ZNF420: variants seen among roughly 807,000 people sequenced by gnomAD.
ZNF420 encodes ATM and p53-associated KZNF protein.
A neutral mutation model predicts 44.7 loss-of-function variants in ZNF420; 31 were observed. That is an observed-to-expected ratio of 0.69 (90% confidence interval 0.52 to 0.94). ZNF420 has a LOEUF of 0.94. ZNF420 is among the 40% of genes least tolerant of loss of function. The pLI, the probability that ZNF420 is intolerant of heterozygous loss-of-function variation, is 0.00. For missense variants in ZNF420, 681 were observed against 827.9 expected, an observed-to-expected ratio of 0.82 and a Z score of 2.18; for synonymous variants, 245 against 267.4, an observed-to-expected ratio of 0.92 and a Z score of 0.82.
At chr19:37,013,722 T>C (rs1257783053) in intron 1 of ZNF420, among the ~76,000 whole-genome samples, 1 of 152,130 alleles carries the variant, frequency 6.6e-6, no homozygotes, top group Non-Finnish European at 1.5e-5. Flanking sequence ...AGCTTAAAGT[T>C]CATTGACTCA....
chr19:37,113,242 T>A (rs776284000), intron 4 of ZNF420, among the ~76,000 whole-genome samples: 3 of 152,086 alleles, frequency 2.0e-5, no homozygotes, highest in Non-Finnish European at 2.9e-5. Context: ...TCTGTTCTTG[T>A]AGTAGTTTGA....
At position 37,106,150 on chromosome 19, in the gene ZNF420, G is replaced by A. The variant is rs1970069821; in HGVS notation, c.136+15029G>A. Among the ~76,000 whole-genome samples the A allele has an allele frequency of 2.0e-5, 3 of 152,098 alleles. No individual in the cohort carries two copies. In the South Asian group the frequency reaches 6.2e-4, roughly 31 times the overall value. On this transcript the variant is annotated intron_variant, in intron 4 of 4. Coordinates refer to ENST00000337995, the MANE Select transcript of ZNF420 (RefSeq NM_144689.5). ...CCATTCAGTATGATATTGGCTGTGG[G>A]TTTGTCATAAATAGCTCTTATTATT...
chr19:37,092,968 C>A (rs1425763805), intron 4 of ZNF420: 1 of 152,140 alleles, frequency 6.6e-6, no homozygotes, highest in East Asian at 1.9e-4. Context: ...CATGCTTTAA[C>A]ATGGATGAAC....
At chr19:37,095,426 C>T (rs989669838) in intron 4 of ZNF420, among the ~76,000 whole-genome samples, 1 of 151,922 alleles carries the variant, frequency 6.6e-6, no homozygotes, top group Non-Finnish European at 1.5e-5. Flanking sequence ...TTTTTTTAAC[C>T]TACAAAATGG....
intron 4 of ZNF420, among the ~76,000 whole-genome samples, chr19:37,121,468 A>C (rs1971030336): frequency 1.3e-5 from 2 of 151,134 alleles, no homozygotes. Context: ...TTATACAAAA[A>C]TTAATTCAAG....
Position 37,127,863 on chromosome 19 carries a change from T to TGG in ZNF420, c.872_873insGG (p.Ser292AlafsTer60). The TGG allele has an allele frequency of 6.2e-7, 1 of 1,613,406 alleles. No homozygotes were observed. The highest frequency in any genetic ancestry group is 1.1e-5 in the South Asian group (1 of 91,044). ...GAATGTAGGAAGGTCTTTACTCAGCTCTCACAACTTATTCTGCATAAGAGA... is the reference window on the plus strand; with the variant it reads ...GAATGTAGGAAGGTCTTTACTCAGCTGGCTCACAACTTATTCTGCATAAGAGA... On this transcript the variant is annotated frameshift_variant, in exon 5 of 5. Coordinates refer to ENST00000337995, the MANE Select transcript of ZNF420 (RefSeq NM_144689.5). LOFTEE classifies it high-confidence loss of function.
intron 1 of ZNF420, among the ~76,000 whole-genome samples, chr19:37,065,257 G>C (rs2385411): frequency 0.52 from 79,265 of 151,668 alleles, 21,412 homozygotes; most frequent in African/African-American, 0.63. Flanking sequence ...TATGGTGCAT[G>C]ATGGTAGGCT....
intron 4 of ZNF420, among the ~76,000 whole-genome samples, chr19:37,105,381 A>G (rs1312506455): frequency 6.6e-6 from 1 of 152,198 alleles, no homozygotes; most frequent in Non-Finnish European, 1.5e-5. Context: ...TACCAGTACC[A>G]TGCTGTTTTG....
chr19:37,019,362 A>C (rs1405785991), intron 1 of ZNF420, among the ~76,000 whole-genome samples: 5 of 152,250 alleles, frequency 3.3e-5, no homozygotes, highest in Non-Finnish European at 2.9e-5. Flanking sequence ...CTGCCGTTAA[A>C]AAACAGAAAA....
chr19:37,118,664 C>T (rs538086190), intron 4 of ZNF420, among the ~76,000 whole-genome samples: 1 of 149,270 alleles, frequency 6.7e-6, no homozygotes, highest in Non-Finnish European at 1.5e-5. Context: ...AATTAAAAGA[C>T]ACAGACTGGC....
At chr19:37,115,868 CCA>C (rs1185279529) in intron 4 of ZNF420, among the ~76,000 whole-genome samples, 5 of 152,072 alleles carry the variant, frequency 3.3e-5, no homozygotes, top group Non-Finnish European at 2.9e-5. Context: ...CTGTGGCCTT[CCA>C]CAGTGTATTG....
rs1423623798 is a variant in ZNF420, at chr19:37,127,289, C to G, written c.298C>G (p.Gln100Glu). 1 of 1,613,340 alleles carries G rather than the reference C, an allele frequency of 6.2e-7. No individual in the cohort carries two copies. Among genetic ancestry groups the G allele is most frequent in the East Asian group, 2.2e-5 (1 of 44,852 alleles). The change falls in exon 5 of 5, where the codon CAA becomes GAA. Residue 100 changes from glutamine (Q) to glutamate (E), a missense_variant. By Grantham distance (29) the Gln-to-Glu change is conservative. Transcript: ENST00000337995. The part of the protein sequence containing the change: ...LEAKGKMEKQ[Q>E]ENQKEYFRQG... ...AGCCAAAGGCAAGATGGAGAAGCAA[C>G]AAGAAAATCAGAAGGAATATTTCAG...
chr19:37,037,393 C>T (rs573295526), intron 1 of ZNF420, among the ~76,000 whole-genome samples: 31 of 152,336 alleles, frequency 2.0e-4, no homozygotes, highest in Non-Finnish European at 2.9e-4. Context: ...GTCTTCTCAG[C>T]GCATCTTTCA....
chr19:37,084,539 T>C (rs1167776183), intron 2 of ZNF420, among the ~76,000 whole-genome samples: 1 of 152,194 alleles, frequency 6.6e-6, no homozygotes, highest in Admixed American at 6.5e-5. Flanking sequence ...TTATTTGGCC[T>C]CAAAATGTAG....
Position 37,129,987 on chromosome 19 carries a change from A to G in ZNF420, c.*929A>G, listed in dbSNP as rs1452480673. On this transcript the variant is annotated 3_prime_UTR_variant, in exon 5 of 5. Coordinates refer to ENST00000337995, the MANE Select transcript of ZNF420 (RefSeq NM_144689.5). ...ATACAGACTGCTTTTTTCCTACCCT[A>G]TATCTATTTTCTCTTTTTTAGTAAC... The G allele has an allele frequency of 4.6e-5, 68 of 1,494,002 alleles. No homozygotes were observed. The highest frequency in any genetic ancestry group is 5.8e-5 in the Non-Finnish European group (65 of 1,121,032). 92.5% of individuals were successfully genotyped at this position (1,494,002 alleles called of 1,614,324 possible). A position where few individuals can be genotyped will look rare whatever the true frequency, so the allele number is the denominator to read the frequency against.
intron 4 of ZNF420, among the ~76,000 whole-genome samples, chr19:37,103,482 GT>G (rs1034960196): frequency 5.3e-5 from 8 of 152,222 alleles, no homozygotes; most frequent in African/African-American, 1.9e-4. Flanking sequence ...GAGCTAAGTT[GT>G]TGGTTACATA....
chr19:37,081,505 AT>A (rs34091203), intron 2 of ZNF420, among the ~76,000 whole-genome samples: 162 of 135,340 alleles, frequency 1.2e-3, no homozygotes, highest in Non-Finnish European at 1.4e-3. Context: ...TGCTTCATGT[AT>A]TTTTTTTTTT....
chr19:37,116,370 A>AAG (rs2146696539), intron 4 of ZNF420, among the ~76,000 whole-genome samples: 2 of 100,540 alleles, frequency 2.0e-5, no homozygotes, highest in South Asian at 3.1e-4. Flanking sequence ...CTCCACCTCA[A>AAG]AAAAAAAAAA....
chr19:37,084,017 C>T (rs375301729), intron 2 of ZNF420, among the ~76,000 whole-genome samples: 7 of 151,982 alleles, frequency 4.6e-5, no homozygotes, highest in East Asian at 3.9e-4. Flanking sequence ...AATCTTAATT[C>T]GTAATGATTA....
Sources: gnomAD v4.1 joint callset for allele counts (sites outside exome capture counted in the v4.1 genomes callset) on GRCh38, gnomAD v4.1.1 for gene constraint, MANE v1.5 for transcripts, NCBI Gene and HGNC (gene_info 2026-07-23, HGNC 2026-07-21) for gene names.